OR3A2: variants seen among roughly 807,000 people sequenced by gnomAD.
OR3A2 encodes olfactory receptor family 3 subfamily A member 2.
For synonymous variants in OR3A2, 126 were observed against 159.3 expected, an observed-to-expected ratio of 0.79 and a Z score of 1.57; for missense variants, 318 against 392.8, an observed-to-expected ratio of 0.81 and a Z score of 1.61.
Position 3,328,063 on chromosome 17 carries a change from C to G in OR3A2, c.-85+7970G>C, listed in dbSNP as rs972023569. 1.3e-4 allele frequency among the ~76,000 whole-genome samples: 19 copies of G among 145,308 alleles called. 1 individual carries two copies. The highest frequency in any genetic ancestry group is 4.5e-4 in the African/African-American group (17 of 37,620). On this transcript the variant is annotated intron_variant, in intron 3 of 4. Coordinates refer to the OR3A2 transcript ENST00000573491. ...GGGCTCTTTTTTGGTTCCATATGAA[C>G]TTTAAAGTAGTTTTTTCCAATTCTG...
exon 2 of OR3A2, chr17:3,278,803 G>A (rs1190001844): frequency 1.3e-6 from 2 of 1,526,250 alleles, no homozygotes; most frequent in Admixed American, 3.8e-5. Flanking sequence ...GTTGTGACCA[G>A]ATAGGCAAAG....
intron 2 of OR3A2, among the ~76,000 whole-genome samples, chr17:3,365,267 AAC>A (rs2049552861): frequency 6.6e-6 from 1 of 152,246 alleles, no homozygotes; most frequent in East Asian, 1.9e-4. Flanking sequence ...CAAAGCATAC[AAC>A]AGAGATAAAC....
chr17:3,308,704 G>A (rs372405805), intron 3 of OR3A2, among the ~76,000 whole-genome samples: 3 of 152,196 alleles, frequency 2.0e-5, no homozygotes, highest in African/African-American at 7.2e-5. Context: ...TGCAGAAAAG[G>A]CCATACTATT....
chr17:3,313,401 G>A (rs531082860), intron 3 of OR3A2, among the ~76,000 whole-genome samples: 27 of 152,336 alleles, frequency 1.8e-4, no homozygotes, highest in Admixed American at 9.1e-4. Flanking sequence ...CTGGCAGACA[G>A]CTGCCTCCCA....
chr17:3,324,072 T>C (rs1181313653), intron 3 of OR3A2, among the ~76,000 whole-genome samples: 1 of 152,070 alleles, frequency 6.6e-6, no homozygotes, highest in Non-Finnish European at 1.5e-5. Flanking sequence ...TGTTCTTTTT[T>C]CTCTAAACTT....
chr17:3,328,514 T>A lies in OR3A2; in HGVS notation c.-85+7519A>T, dbSNP rs1214599641. ...GATGTTGTCTGCAAACAGGGACAAT[T>A]TGACTTCCTCTTTTCCTAATTGAAT... On this transcript the variant is annotated intron_variant, in intron 3 of 4. Transcript: ENST00000573491. Among the ~76,000 whole-genome samples, 7 of 139,712 alleles carry A rather than the reference T, an allele frequency of 5.0e-5. No individual in the cohort carries two copies. The East Asian group carries it at 1.2e-3, about 24-fold the overall frequency. The allele number at this position is 139,712 out of a possible 152,430, so 91.7% of individuals were successfully genotyped here.
intron 2 of OR3A2, among the ~76,000 whole-genome samples, chr17:3,360,916 C>T (rs2049508717): frequency 6.6e-6 from 1 of 151,596 alleles, no homozygotes; most frequent in South Asian, 2.1e-4. Flanking sequence ...TTTTTGGCTC[C>T]ATATGAACTT....
At chr17:3,344,194 C>T (rs2049344406) in intron 2 of OR3A2, among the ~76,000 whole-genome samples, 1 of 152,160 alleles carries the variant, frequency 6.6e-6, no homozygotes, top group African/African-American at 2.4e-5. Context: ...TGTATTGACT[C>T]TTAGGTGGTT....
At chr17:3,371,686 G>A (rs1369533667) in intron 2 of OR3A2, among the ~76,000 whole-genome samples, 26 of 140,428 alleles carry the variant, frequency 1.9e-4, no homozygotes, top group African/African-American at 6.4e-4. Flanking sequence ...GCGGCTGGCC[G>A]GGCGGGGGTG....
intron 2 of OR3A2, among the ~76,000 whole-genome samples, chr17:3,345,322 G>T (rs898035868): frequency 6.6e-6 from 1 of 152,086 alleles, no homozygotes; most frequent in Non-Finnish European, 1.5e-5. Flanking sequence ...CCCTTTCAGA[G>T]AACTTCCAAT....
chr17:3,299,494 C>A (rs1266676807), intron 3 of OR3A2, among the ~76,000 whole-genome samples: 1 of 152,206 alleles, frequency 6.6e-6, no homozygotes, highest in East Asian at 1.9e-4. Context: ...TGAGGGACGT[C>A]TCTTCCCACT....
intron 1 of OR3A2, among the ~76,000 whole-genome samples, chr17:3,282,559 T>C (rs533939477): frequency 2.0e-5 from 3 of 152,298 alleles, no homozygotes; most frequent in Admixed American, 6.5e-5. Flanking sequence ...CTGTGTGTGC[T>C]CAGGCCACGG....
At chr17:3,338,241 A>G (rs1418587983) in intron 2 of OR3A2, among the ~76,000 whole-genome samples, 1 of 152,064 alleles carries the variant, frequency 6.6e-6, no homozygotes, top group African/African-American at 2.4e-5. Flanking sequence ...CTCTGATGGT[A>G]GTTTCTTTTG....
At chr17:3,309,810 A>T (rs1174495130) in intron 3 of OR3A2, among the ~76,000 whole-genome samples, 2 of 152,072 alleles carry the variant, frequency 1.3e-5, no homozygotes, top group African/African-American at 4.8e-5. Context: ...CTGGGCCACG[A>T]CAGGCATCTC....
chr17:3,340,541 G>C (rs1052284642), intron 2 of OR3A2, among the ~76,000 whole-genome samples: 4 of 152,190 alleles, frequency 2.6e-5, no homozygotes, highest in African/African-American at 9.7e-5. Flanking sequence ...TAGTCATTCA[G>C]GAGCAGGTTG....
chr17:3,297,875 G>A (rs1387313772), intron 3 of OR3A2, among the ~76,000 whole-genome samples: 1 of 152,070 alleles, frequency 6.6e-6, no homozygotes, highest in Non-Finnish European at 1.5e-5. Context: ...ATAAAAGATT[G>A]ATACGATTTA....
intron 2 of OR3A2, among the ~76,000 whole-genome samples, chr17:3,375,460 G>A (rs561007783): frequency 7.1e-4 from 107 of 151,632 alleles, no homozygotes; most frequent in Non-Finnish European, 9.7e-4. Flanking sequence ...ATGCCACCAT[G>A]TCTGGCTCAT....
At position 3,311,461 on chromosome 17, in the gene OR3A2, G is replaced by C; in HGVS notation, c.-85+24572C>G. 1 of 455,352 alleles carries C rather than the reference G, an allele frequency of 2.2e-6. No homozygotes were observed. The highest frequency in any genetic ancestry group is 4.5e-6 in the Non-Finnish European group (1 of 221,136). 28.2% of individuals were successfully genotyped at this position (455,352 alleles called of 1,614,324 possible). A position where few individuals can be genotyped will look rare whatever the true frequency, so the allele number is the denominator to read the frequency against. ...TTGCTGCACTGTCTCCTTCATCAAT[G>C]CTCTGACTCACACAGTGGCTGTGTC... On this transcript the variant is annotated intron_variant, in intron 3 of 4. Coordinates refer to the OR3A2 transcript ENST00000573491. This position sits in a 1 kb window ranked among gnomAD's most constrained non-coding sequence, Gnocchi z 4.6.
chr17:3,308,325 C>G (rs867688853), intron 3 of OR3A2, among the ~76,000 whole-genome samples: 37 of 152,068 alleles, frequency 2.4e-4, no homozygotes, highest in African/African-American at 8.2e-4. Context: ...TAAGCCATCC[C>G]CTCTGCAGAG....
Sources: gnomAD v4.1 joint callset for allele counts (sites outside exome capture counted in the v4.1 genomes callset) on GRCh38, gnomAD v4.1.1 for gene constraint, Gnocchi (gnomAD v3.1) non-coding constraint, MANE v1.5 for transcripts, NCBI Gene and HGNC (gene_info 2026-07-23, HGNC 2026-07-21) for gene names.